ACSL3: variants seen among roughly 807,000 people sequenced by gnomAD.
ACSL3 encodes acyl-CoA synthetase long chain family member 3.
Under a neutral mutation model 84.7 loss-of-function variants are expected in ACSL3, and 34 were observed. The observed-to-expected ratio is 0.40, with a 90% CI of 0.31 to 0.53. The LOEUF (loss-of-function observed/expected upper bound fraction) is 0.53. ACSL3 is among the 20% of genes least tolerant of loss of function. The pLI is 0.48. For missense variants in ACSL3, 680 were observed against 873.1 expected (o/e 0.78, Z 2.79); for synonymous variants, 315 against 299.4 (o/e 1.05, Z -0.54).
rs1394188185 is a variant in ACSL3, at chr2:222,897,894, C to T, written c.-147-2780C>T. 5.6e-4 allele frequency among the ~76,000 whole-genome samples: 2 copies of T among 3,582 alleles called. 1 individual carries two copies. The highest frequency in any genetic ancestry group is 1 in the East Asian group (2 of 2). 2.3% of individuals were successfully genotyped at this position (3,582 alleles called of 152,430 possible). ...GCAGTACAGTCCAGCTTCGGCTCGG[C>T]ATCAGAGGGAGACCGTGGAGAGGGA... On this transcript the variant is annotated intron_variant, in intron 2 of 16. Coordinates refer to ENST00000357430, the MANE Select transcript of ACSL3 (RefSeq NM_004457.5).
intron 1 of ACSL3, among the ~76,000 whole-genome samples, chr2:222,885,511 CCTG>C (rs1259463596): frequency 6.6e-6 from 1 of 152,076 alleles, no homozygotes; most frequent in Non-Finnish European, 1.5e-5. Context: ...ATATACATAG[CCTG>C]CTTTCTCCTG....
chr2:222,939,273 C>T (rs1234415125), intron 16 of ACSL3, among the ~76,000 whole-genome samples: 2 of 152,156 alleles, frequency 1.3e-5, no homozygotes, highest in Non-Finnish European at 1.5e-5. Flanking sequence ...TTTGTCCAGT[C>T]AGCCCTACTA....
intron 2 of ACSL3, among the ~76,000 whole-genome samples, chr2:222,896,853 C>T (rs1282255482): frequency 1.6e-3 from 24 of 14,884 alleles, no homozygotes; most frequent in Admixed American, 2.6e-3. Flanking sequence ...CCCTCCCGGA[C>T]GGGGCGGCTG....
At chr2:222,928,650 T>C (rs1162369543) in intron 12 of ACSL3, among the ~76,000 whole-genome samples, 3 of 147,110 alleles carry the variant, frequency 2.0e-5, no homozygotes, top group East Asian at 1.9e-4. Context: ...CAATAACTAA[T>C]TTAAAAAAAA....
intron 1 of ACSL3, among the ~76,000 whole-genome samples, chr2:222,874,102 A>G (rs942439177): frequency 3.9e-5 from 6 of 151,988 alleles, no homozygotes; most frequent in Non-Finnish European, 7.4e-5. Flanking sequence ...GCTCACTGCA[A>G]CCTCCATCTC....
intron 1 of ACSL3, among the ~76,000 whole-genome samples, chr2:222,885,586 C>G (rs1695699747): frequency 2.0e-5 from 3 of 152,118 alleles, no homozygotes; most frequent in Admixed American, 2.0e-4. Flanking sequence ...TAGCACTGTT[C>G]TCTTTTACAT....
intron 7 of ACSL3, 159 bp downstream of exon 7, chr2:222,919,361 T>G: frequency 1.8e-6 from 1 of 565,830 alleles, no homozygotes; most frequent in Non-Finnish European, 2.8e-6. Context: ...TCATCTTGTC[T>G]TTAAAGAAAG....
chr2:222,872,867 G>A (rs2106085928), intron 1 of ACSL3, among the ~76,000 whole-genome samples: 1 of 152,210 alleles, frequency 6.6e-6, no homozygotes. Context: ...TGGTGACTTG[G>A]CTTTGGGGAA....
intron 1 of ACSL3, among the ~76,000 whole-genome samples, chr2:222,865,894 G>T (rs1337188172): frequency 6.6e-6 from 1 of 151,912 alleles, no homozygotes; most frequent in Non-Finnish European, 1.5e-5. Flanking sequence ...ATTAAAAATT[G>T]CTTATCTTAC....
At position 222,933,292 on chromosome 2, in the gene ACSL3, G is replaced by T; in HGVS notation, c.1847+12G>T. The stretch of plus-strand genomic sequence containing the variant: ...GCATATGCAAACAGGTAAGAACGTG[G>T]AATTCATACTACTTTTACTTAAAAT... On this transcript the variant is annotated intron_variant, in intron 15 of 16. Transcript: ENST00000357430. The T allele has an allele frequency of 6.4e-7, 1 of 1,552,344 alleles. No individual in the cohort carries two copies.
intron 4 of ACSL3, among the ~76,000 whole-genome samples, chr2:222,912,955 C>T (rs1047555133): frequency 2.0e-5 from 3 of 152,160 alleles, no homozygotes; most frequent in African/African-American, 7.2e-5. Flanking sequence ...ATTGCACTAA[C>T]GTCGTCTTGA....
intron 16 of ACSL3, 30 bp downstream of exon 16, chr2:222,934,717 A>G (rs1697129861): frequency 6.3e-7 from 1 of 1,597,614 alleles, no homozygotes; most frequent in Non-Finnish European, 8.5e-7. Flanking sequence ...GATACTAAAA[A>G]CTGAGATGGG....
chr2:222,934,725 G>T, intron 16 of ACSL3, 38 bp downstream of exon 16: 2 of 1,591,908 alleles, frequency 1.3e-6, no homozygotes, highest in South Asian at 1.2e-5. Flanking sequence ...AAACTGAGAT[G>T]GGAAGAGAGT....
chr2:222,878,209 AT>A (rs938587245), intron 1 of ACSL3, among the ~76,000 whole-genome samples: 5 of 152,214 alleles, frequency 3.3e-5, no homozygotes, highest in Non-Finnish European at 4.4e-5. Context: ...TTACCAGAAA[AT>A]TTTTGGAAGG....
intron 12 of ACSL3, among the ~76,000 whole-genome samples, chr2:222,928,052 GATTA>G (rs1696927846): frequency 6.6e-6 from 1 of 152,174 alleles, no homozygotes; most frequent in African/African-American, 2.4e-5. Flanking sequence ...CAAATTGAAT[GATTA>G]ATCAGTAACA....
chr2:222,919,451 G>A, intron 7 of ACSL3: 1 of 307,220 alleles, frequency 3.3e-6, no homozygotes, highest in Non-Finnish European at 5.9e-6. Context: ...TTTACATTCA[G>A]TTTTCATTTC....
intron 3 of ACSL3, among the ~76,000 whole-genome samples, 167 bp downstream of exon 3, chr2:222,900,947 C>T (rs995552774): frequency 1.3e-5 from 2 of 152,198 alleles, no homozygotes; most frequent in African/African-American, 4.8e-5. Context: ...CGTCTCCTCC[C>T]AGCCCTGCTC....
chr2:222,907,984 C>T (rs184411213), intron 3 of ACSL3, among the ~76,000 whole-genome samples: 12 of 152,244 alleles, frequency 7.9e-5, no homozygotes, highest in Admixed American at 6.5e-4. Context: ...CCATCTGGCA[C>T]GTACACATGC....
chr2:222,941,468 CTTCTT>C (rs748753991), intron 16 of ACSL3, 24 bp from the exon 17 acceptor site: 6 of 1,543,658 alleles, frequency 3.9e-6, no homozygotes, highest in Non-Finnish European at 4.4e-6. Flanking sequence ...AATACCTTTT[CTTCTT>C]TTCTTTTTTT....
Sources: allele counts gnomAD v4.1 joint callset (sites outside exome capture counted in the v4.1 genomes callset), GRCh38; gene constraint gnomAD v4.1.1; transcripts MANE v1.5; gene names NCBI Gene and HGNC (gene_info 2026-07-23, HGNC 2026-07-21).